The following CCDC40 variants were observed in gnomAD, a reference collection of about 807,000 sequenced individuals.
The protein encoded by CCDC40 is coiled-coil domain 40 molecular ruler complex subunit, also known as coiled-coil domain-containing protein 40.
In CCDC40, 104 loss-of-function variants were observed where a neutral mutation model predicts 124.5. The ratio of observed to expected loss-of-function variants is 0.84; its 90% CI spans 0.71 to 0.98. The LOEUF is 0.98. Among genes scored for constraint, CCDC40 ranks in the 50% least tolerant of loss-of-function variants. The pLI is 0.00. For synonymous variants in CCDC40, 580 were observed against 602.9 expected (o/e 0.96, Z 0.56); for missense variants, 1,463 against 1,503.9 (o/e 0.97, Z 0.45).
In CCDC40 at chr17:80,088,002, C is replaced by G; in HGVS notation, c.2620-9C>G. 6.2e-7 allele frequency: 1 copy of G among 1,606,066 alleles called. No homozygotes were observed. The highest frequency in any genetic ancestry group is 8.5e-7 in the Non-Finnish European group (1 of 1,172,640). ...TCCCCACAGCTGTCCCGCCCCCTCC[C>G]CCATGCAGGCCTCTGAGAGGGAGAC... On this transcript the variant is annotated splice_polypyrimidine_tract_variant and intron_variant, in intron 15 of 19. Transcript: ENST00000397545.
intron 18 of CCDC40, among the ~76,000 whole-genome samples, chr17:80,095,848 C>G (rs1260489136): frequency 6.6e-6 from 1 of 152,224 alleles, no homozygotes; most frequent in Non-Finnish European, 1.5e-5. Flanking sequence ...GCATAGAGTT[C>G]TGGGGAAGAG....
intron 3 of CCDC40, among the ~76,000 whole-genome samples, chr17:80,042,681 A>G (rs1040110445): frequency 1.3e-5 from 2 of 152,142 alleles, no homozygotes; most frequent in Non-Finnish European, 2.9e-5. Flanking sequence ...CATTGGCTAG[A>G]ACCGCCAGCA....
At chr17:80,056,610 T>C (rs2037755725) in intron 7 of CCDC40, among the ~76,000 whole-genome samples, 1 of 152,110 alleles carries the variant, frequency 6.6e-6, no homozygotes, top group Non-Finnish European at 1.5e-5. Context: ...TGACACCCTG[T>C]CTCAGAAAAC....
chr17:80,062,698 G>C (rs2037935931), intron 9 of CCDC40, among the ~76,000 whole-genome samples: 1 of 152,070 alleles, frequency 6.6e-6, no homozygotes, highest in South Asian at 2.1e-4. Flanking sequence ...TCCCACCTCA[G>C]CCTCTCAAGT....
rs527719606 is a variant in CCDC40 at position 80,084,201 on chromosome 17, A to G, written c.1990-542A>G. Among the ~76,000 whole-genome samples the G allele has an allele frequency of 3.0e-4, 45 of 151,006 alleles. No individual in the cohort carries two copies. In the South Asian group the frequency reaches 8.6e-3, roughly 29 times the overall value. On this transcript the variant is annotated intron_variant, in intron 12 of 19. Transcript: ENST00000397545. ...TAAGACTGGATAACTGATAAAGGAA[A>G]GAGGTTTAATTGACTGACAGTTCTG...
Position 80,040,452 on chromosome 17 carries a change from G to A in CCDC40, c.552+182G>A, listed in dbSNP as rs181271435. On this transcript the variant is annotated intron_variant, in intron 3 of 19. Coordinates refer to ENST00000397545, the MANE Select transcript of CCDC40 (RefSeq NM_017950.4). Reference sequence around the variant, plus strand: ...CCAGCACTTTGGGAGGCGAAGGTGGGTGGGTCACCTGAGGTCAGGAGTTCG... The same window carrying A: ...CCAGCACTTTGGGAGGCGAAGGTGGATGGGTCACCTGAGGTCAGGAGTTCG... 8.2e-4 allele frequency: 529 copies of A among 648,540 alleles called. 1 individual carries two copies. The highest frequency in any genetic ancestry group is 1.2e-3 in the Non-Finnish European group (458 of 374,760). 40.2% of individuals were successfully genotyped at this position (648,540 alleles called of 1,614,324 possible). A position where few individuals can be genotyped will look rare whatever the true frequency, so the allele number is the denominator to read the frequency against.
rs533668147 is a variant in CCDC40 at position 80,048,513 on chromosome 17, T to C, written c.677-70T>C. 1.1e-4 allele frequency: 139 copies of C among 1,280,896 alleles called. No homozygotes were observed. In the African/African-American group the frequency reaches 1.8e-3, roughly 17 times the overall value. The allele number at this position is 1,280,896 out of a possible 1,614,324, so 79.3% of individuals were successfully genotyped here. On this transcript the variant is annotated intron_variant, in intron 4 of 19. Coordinates refer to ENST00000397545, the MANE Select transcript of CCDC40 (RefSeq NM_017950.4). ...GGCATGACAGCAGCTGTGCCATTGA[T>C]GCCCCAGAATAGAATCACTGAGGCT...
At position 80,050,067 on chromosome 17, in the gene CCDC40, G is replaced by A. The variant is rs927728218; in HGVS notation, c.943G>A (p.Val315Met). The part of the protein sequence containing the change: ...KLKLDLQELV[V>M]ATKQSRAQRQ... ...CCTGTTTCTCTCTTTGGTCCAGGTT[G>A]TGGCTACCAAGCAGAGCCGAGCCCA... The change falls in exon 7 of 20, where the codon GTG becomes ATG. Residue 315 changes from valine to methionine, a missense_variant. Val to Met is a conservative substitution (Grantham distance 21). Transcript: ENST00000397545. 4 of 1,613,974 alleles carry A rather than the reference G, an allele frequency of 2.5e-6. No individual in the cohort carries two copies. The African/African-American group carries it at 4.0e-5, about 16-fold the overall frequency.
At position 80,095,452 on chromosome 17, in the gene CCDC40, G is replaced by A. The variant is rs1030809564; in HGVS notation, c.3021+1G>A. ...CCGGAAAATCAGGGACGTTCGCAAG[G>A]TAGGGAGCAGCGGAAAGGAAACAGG... On this transcript the variant is annotated splice_donor_variant, in intron 18 of 19. Coordinates refer to ENST00000397545, the MANE Select transcript of CCDC40 (RefSeq NM_017950.4). LOFTEE classifies it high-confidence loss of function. The A allele has an allele frequency of 6.2e-7, 1 of 1,614,114 alleles. No individual in the cohort carries two copies. The highest frequency in any genetic ancestry group is 8.5e-7 in the Non-Finnish European group (1 of 1,179,988).
intron 18 of CCDC40, 40 bp from the exon 19 acceptor site, chr17:80,097,205 C>A: frequency 6.2e-7 from 1 of 1,610,506 alleles, no homozygotes; most frequent in Non-Finnish European, 8.5e-7. Context: ...GCCAAGTAGC[C>A]GGGCTGCAGG....
At chr17:80,036,822 C>T in intron 1 of CCDC40, 131 bp downstream of exon 1, 1 of 851,612 alleles carries the variant, frequency 1.2e-6, no homozygotes, top group Non-Finnish European at 1.7e-6. Flanking sequence ...TCGCCTGTGT[C>T]CCTTCTCTCG....
rs767175697 is a variant in CCDC40, at chr17:80,086,238, C to G, written c.2449+22C>G. 1.9e-6 allele frequency: 3 copies of G among 1,562,318 alleles called. No homozygotes were observed. The South Asian group carries it at 3.5e-5, about 18-fold the overall frequency. ...GAAAGTAAGAGCCGCCGTGCCCGGC[C>G]CTGCAGTGATGCTGAGACGAGCTCT... is the stretch of plus-strand genomic sequence containing the variant. On this transcript the variant is annotated intron_variant, in intron 14 of 19. Coordinates refer to ENST00000397545, the MANE Select transcript of CCDC40 (RefSeq NM_017950.4). This position sits in a 1 kb window ranked among gnomAD's most constrained non-coding sequence, Gnocchi z 5.5.
At chr17:80,041,282 T>A (rs1005975103) in intron 3 of CCDC40, among the ~76,000 whole-genome samples, 1 of 151,670 alleles carries the variant, frequency 6.6e-6, no homozygotes, top group Non-Finnish European at 1.5e-5. Flanking sequence ...CCAAGGCGGG[T>A]GGATCACTTG....
chr17:80,091,882 C>G (rs531363082), intron 17 of CCDC40, among the ~76,000 whole-genome samples: 2 of 151,946 alleles, frequency 1.3e-5, no homozygotes, highest in African/African-American at 4.8e-5. Context: ...AAGCACATGG[C>G]GGCAGTCATA....
At chr17:80,037,831 G>C (rs555865728) in intron 1 of CCDC40, 159 of 352,752 alleles carry the variant, frequency 4.5e-4, no homozygotes, top group African/African-American at 3.1e-3. Context: ...CCAGACACAA[G>C]TTATATTTGA....
intron 3 of CCDC40, among the ~76,000 whole-genome samples, chr17:80,042,384 T>C (rs1276221032): frequency 6.6e-6 from 1 of 152,168 alleles, no homozygotes; most frequent in Non-Finnish European, 1.5e-5. Flanking sequence ...CTTCCCAAAG[T>C]GTTGGGATTA....
At chr17:80,084,695 G>A (rs753159958) in intron 12 of CCDC40, 48 bp from the exon 13 acceptor site, 1 of 1,610,874 alleles carries the variant, frequency 6.2e-7, no homozygotes, top group Admixed American at 1.7e-5. Flanking sequence ...CTCGTCCCGG[G>A]CCTTGGGTGG....
chr17:80,093,737 C>T (rs756005125), intron 17 of CCDC40, among the ~76,000 whole-genome samples: 1 of 151,930 alleles, frequency 6.6e-6, no homozygotes, highest in South Asian at 2.1e-4. Flanking sequence ...TGGTCTCAAA[C>T]TCCTGAGCTC....
In CCDC40 at chr17:80,081,868, G is replaced by A. The variant is rs377745657; in HGVS notation, c.1807-8G>A. 2.5e-6 allele frequency: 4 copies of A among 1,614,110 alleles called. No homozygotes were observed. In the South Asian group the frequency reaches 4.4e-5, roughly 18 times the overall value. ...AGGCACGTGCACCCTGTGGCTCCTT[G>A]TCTCCAGGAACAAATGATACTCACG... On this transcript the variant is annotated splice_polypyrimidine_tract_variant and splice_region_variant and intron_variant, in intron 11 of 19. Transcript: ENST00000397545.
Sources: gnomAD v4.1 joint callset for allele counts (sites outside exome capture counted in the v4.1 genomes callset) on GRCh38, gnomAD v4.1.1 for gene constraint, Gnocchi (gnomAD v3.1) non-coding constraint, MANE v1.5 for transcripts, NCBI Gene and HGNC (gene_info 2026-07-23, HGNC 2026-07-21) for gene names.